Variants in CPNE5 observed in about 807,000 individuals in gnomAD.
CPNE5 encodes the protein copine 5.
A neutral mutation model predicts 81.1 loss-of-function variants in CPNE5; 42 were observed. The ratio of observed to expected loss-of-function variants is 0.52; its 90% confidence interval spans 0.40 to 0.67. CPNE5 has a LOEUF of 0.67. Among genes scored for constraint, CPNE5 ranks in the 30% least tolerant of loss-of-function variants. The pLI is 0.00. For synonymous variants in CPNE5, 313 were observed against 321.5 expected (o/e 0.97, Z 0.28); for missense variants, 612 against 815.5 (o/e 0.75, Z 3.04).
intron 3 of CPNE5, among the ~76,000 whole-genome samples, chr6:36,809,369 A>G (rs528001960): frequency 7.9e-5 from 12 of 152,242 alleles, no homozygotes; most frequent in African/African-American, 2.9e-4. Context: ...TGAACCTAGG[A>G]GTTCGAGACC....
chr6:36,747,964 A>G (rs918443923), intron 15 of CPNE5, among the ~76,000 whole-genome samples: 2 of 152,164 alleles, frequency 1.3e-5, no homozygotes, highest in African/African-American at 4.8e-5. Flanking sequence ...AGTACACACA[A>G]TCCCATTCCC....
chr6:36,770,715 C>T (rs1001056934), intron 10 of CPNE5, among the ~76,000 whole-genome samples: 3 of 152,164 alleles, frequency 2.0e-5, no homozygotes, highest in Admixed American at 6.5e-5. Flanking sequence ...AGACTGCTGT[C>T]CCCTCCTGCT....
intron 8 of CPNE5, among the ~76,000 whole-genome samples, chr6:36,790,831 C>T (rs1769027560): frequency 6.6e-6 from 1 of 152,150 alleles, no homozygotes; most frequent in Non-Finnish European, 1.5e-5. Flanking sequence ...GCGTGAGCCA[C>T]CGTGCCCGGC....
At chr6:36,755,532 T>TGTGTGTGTG (rs1554195698) in intron 13 of CPNE5, 3 of 105,164 alleles carry the variant, frequency 2.9e-5, no homozygotes, top group Admixed American at 9.8e-5. Context: ...TGTGTGTGTG[T>TGTGTGTGTG]TTTTTTTTTT....
At chr6:36,796,598 G>A (rs549139230) in intron 6 of CPNE5, among the ~76,000 whole-genome samples, 1 of 152,202 alleles carries the variant, frequency 6.6e-6, no homozygotes, top group Non-Finnish European at 1.5e-5. Context: ...CCTAGAGAAA[G>A]AATATAAAAT....
At chr6:36,810,502 G>A (rs1342666492) in intron 3 of CPNE5, among the ~76,000 whole-genome samples, 4 of 152,230 alleles carry the variant, frequency 2.6e-5, no homozygotes, top group South Asian at 2.1e-4. Context: ...AAAAGGGAAT[G>A]TGCTTTCCAA....
At chr6:36,816,183 T>C (rs1213291082) in intron 3 of CPNE5, among the ~76,000 whole-genome samples, 1 of 152,218 alleles carries the variant, frequency 6.6e-6, no homozygotes, top group Non-Finnish European at 1.5e-5. Flanking sequence ...AGAGCTGGTC[T>C]GAAAACCCAG....
chr6:36,742,461 T>A lies in CPNE5; in HGVS notation c.1589A>T (p.Asp530Val). 1 of 1,612,750 alleles carries A rather than the reference T, an allele frequency of 6.2e-7. No homozygotes were observed. Among genetic ancestry groups the A allele is most frequent in the Non-Finnish European group, 8.5e-7 (1 of 1,179,900 alleles). ...VQFVPFRDYVDRTGNHVLSMA... is the reference protein window; with the variant it reads ...VQFVPFRDYVVRTGNHVLSMA... ...GCTCAGCACGTGGTTGCCTGTGCGG[T>A]CCACGTAGTCCCGGAAGGGTACAAA... The change falls in exon 21 of 21, where the codon GAC becomes GTC. Residue 530 changes from aspartate to valine, a missense_variant. Coordinates refer to ENST00000244751, the MANE Select transcript of CPNE5 (RefSeq NM_020939.2).
At chr6:36,767,578 C>A (rs549645659) in intron 10 of CPNE5, among the ~76,000 whole-genome samples, 49 of 152,306 alleles carry the variant, frequency 3.2e-4, no homozygotes, top group African/African-American at 1.1e-3. Flanking sequence ...TGCAGGGGAC[C>A]TTCAGAGACC....
chr6:36,830,218 T>G (rs1336071490), intron 1 of CPNE5, among the ~76,000 whole-genome samples: 1 of 152,254 alleles, frequency 6.6e-6, no homozygotes, highest in East Asian at 1.9e-4. Context: ...GGGGAGTGCT[T>G]GCACTACCAA....
At chr6:36,768,062 C>T (rs367837685) in intron 10 of CPNE5, among the ~76,000 whole-genome samples, 1 of 152,034 alleles carries the variant, frequency 6.6e-6, no homozygotes, top group East Asian at 1.9e-4. Context: ...TCGGCCTGGC[C>T]TCCATTAAGG....
intron 10 of CPNE5, among the ~76,000 whole-genome samples, chr6:36,768,890 A>AT (rs1766814882): frequency 6.6e-6 from 1 of 152,240 alleles, no homozygotes; most frequent in Non-Finnish European, 1.5e-5. Flanking sequence ...GCCCCGAGCA[A>AT]CTGGCTTAAC....
chr6:36,789,405 C>A (rs989144133), intron 8 of CPNE5, among the ~76,000 whole-genome samples: 1 of 152,138 alleles, frequency 6.6e-6, no homozygotes, highest in Non-Finnish European at 1.5e-5. Context: ...TTGTCTAGAG[C>A]GTTAGAATTT....
chr6:36,816,488 C>T (rs758727723), intron 3 of CPNE5, among the ~76,000 whole-genome samples: 1 of 152,216 alleles, frequency 6.6e-6, no homozygotes, highest in Non-Finnish European at 1.5e-5. Flanking sequence ...GCAAACCCCA[C>T]GTACAGAGAA....
intron 6 of CPNE5, among the ~76,000 whole-genome samples, chr6:36,797,301 G>A (rs1242210453): frequency 6.6e-6 from 1 of 152,396 alleles, no homozygotes; most frequent in East Asian, 1.9e-4. Context: ...TTTGCCCTGT[G>A]GCCTGGATGC....
chr6:36,744,546 T>G (rs1582677477), intron 18 of CPNE5: 50 of 541,754 alleles, frequency 9.2e-5, no homozygotes, highest in East Asian at 1.3e-4. Context: ...AGAGGGAGGG[T>G]GGCAGGGGGA....
chr6:36,832,090 A>G (rs1270477101), intron 1 of CPNE5, among the ~76,000 whole-genome samples: 2 of 152,256 alleles, frequency 1.3e-5, no homozygotes, highest in African/African-American at 4.8e-5. Context: ...CTTGGCTGGC[A>G]AACAGGCAGA....
chr6:36,752,326 C>T (rs558950519), intron 14 of CPNE5, among the ~76,000 whole-genome samples: 7 of 152,162 alleles, frequency 4.6e-5, no homozygotes, highest in Non-Finnish European at 1.0e-4. Flanking sequence ...AGGCTCTTTC[C>T]GTGAGCTGCT....
intron 3 of CPNE5, among the ~76,000 whole-genome samples, chr6:36,804,931 CACAA>C (rs1770450715): frequency 6.6e-6 from 1 of 152,158 alleles, no homozygotes; most frequent in Non-Finnish European, 1.5e-5. Flanking sequence ...ACGTGCAGAT[CACAA>C]ACAACCGCAA....
Sources: allele counts gnomAD v4.1 joint callset (sites outside exome capture counted in the v4.1 genomes callset), GRCh38; gene constraint gnomAD v4.1.1; transcripts MANE v1.5; gene names NCBI Gene and HGNC (gene_info 2026-07-23, HGNC 2026-07-21).